Variants in PRDM16 observed in about 807,000 individuals in gnomAD.
The protein encoded by PRDM16 is histone-lysine N-methyltransferase PRDM16.
A neutral mutation model predicts 110.6 loss-of-function variants in PRDM16; 23 were observed. The ratio of observed to expected loss-of-function variants is 0.21; its 90% CI spans 0.15 to 0.29. The LOEUF (loss-of-function observed/expected upper bound fraction) is 0.29, where lower values mean the gene tolerates loss of function less well. Ranked by LOEUF, PRDM16 falls within the 10% of genes least tolerant of loss-of-function variation. PRDM16 has a pLI of 1.00. For synonymous variants in PRDM16, 799 were observed against 781.8 expected, an observed-to-expected ratio of 1.02 and a Z score of -0.37; for missense variants, 1,615 against 1,794.3, an observed-to-expected ratio of 0.90 and a Z score of 1.81.
At chr1:3,268,586 C>T (rs1640353973) in intron 3 of PRDM16, among the ~76,000 whole-genome samples, 1 of 152,134 alleles carries the variant, frequency 6.6e-6, no homozygotes, top group African/African-American at 2.4e-5. Flanking sequence ...CACCCTCATT[C>T]CTATAGCTAG....
At chr1:3,360,615 G>A (rs1642694808) in intron 3 of PRDM16, among the ~76,000 whole-genome samples, 1 of 152,192 alleles carries the variant, frequency 6.6e-6, no homozygotes, top group Non-Finnish European at 1.5e-5. Flanking sequence ...CAGAGGAGGA[G>A]GGCCATCAGA....
intron 1 of PRDM16, among the ~76,000 whole-genome samples, chr1:3,136,626 C>A (rs1303867614): frequency 6.6e-6 from 1 of 152,152 alleles, no homozygotes; most frequent in South Asian, 2.1e-4. Context: ...CCACAAAGGT[C>A]GTTTCTCTTG....
chr1:3,083,253 G>C (rs145188442), intron 1 of PRDM16, among the ~76,000 whole-genome samples: 1 of 152,146 alleles, frequency 6.6e-6, no homozygotes, highest in East Asian at 1.9e-4. Flanking sequence ...TCCTGGCTGC[G>C]CCCCACCAAG....
intron 3 of PRDM16, among the ~76,000 whole-genome samples, chr1:3,295,471 A>G (rs1280619287): frequency 6.6e-6 from 1 of 152,136 alleles, no homozygotes; most frequent in Non-Finnish European, 1.5e-5. Context: ...CCAAACCTCC[A>G]GGAGCACCAG....
chr1:3,376,205 T>A (rs1642987873), intron 3 of PRDM16, among the ~76,000 whole-genome samples: 2 of 152,088 alleles, frequency 1.3e-5, no homozygotes, highest in African/African-American at 2.4e-5. Context: ...GCATTTGGGG[T>A]GTCTCCGTGA....
intron 2 of PRDM16, among the ~76,000 whole-genome samples, chr1:3,237,187 G>C (rs1410635401): frequency 6.6e-6 from 1 of 151,984 alleles, no homozygotes; most frequent in Non-Finnish European, 1.5e-5. Context: ...GCCTCCATCC[G>C]AGAGCCCCTG....
intron 1 of PRDM16, among the ~76,000 whole-genome samples, chr1:3,109,104 TAA>T (rs1353062615): frequency 6.6e-6 from 1 of 151,044 alleles, no homozygotes; most frequent in Non-Finnish European, 1.5e-5. Flanking sequence ...ATAATAATAA[TAA>T]TAATAATAAT....
In PRDM16 at chr1:3,426,054, G is replaced by T; in HGVS notation, c.3113G>T (p.Ser1038Ile). The T allele has an allele frequency of 6.2e-7, 1 of 1,612,486 alleles. No homozygotes were observed. The highest frequency in any genetic ancestry group is 8.5e-7 in the Non-Finnish European group (1 of 1,179,446). The change falls in exon 14 of 17, where the codon AGC becomes ATC. Residue 1038 changes from serine to isoleucine, a missense_variant. Physicochemically the swap from Ser to Ile is moderately radical, Grantham distance 142. This residue lies in a region of PRDM16 where 327 missense variants were observed against 359.3 expected (regional missense o/e 0.91). Transcript: ENST00000270722. ...KKHEHENAPV[S>I]QHPGVLTNHL... ...TGATGCTCCCGCCCCTCCGCAGTGA[G>T]CCAGCACCCCGGGGTCCTCACGAAC... is the stretch of plus-strand genomic sequence containing the variant.
rs983613977 is a variant in PRDM16, at chr1:3,081,795, C to T, written c.37+12499C>T. Among the ~76,000 whole-genome samples, 3 of 151,838 alleles carry T rather than the reference C, an allele frequency of 2.0e-5. No individual in the cohort carries two copies. The highest frequency in any genetic ancestry group is 4.4e-5 in the Non-Finnish European group (3 of 67,956). ...CCCGTGTTGGGGGACCTTCCATGGG[C>T]AGCAGGGCAGCAAGGGAGACCACCT... On this transcript the variant is annotated intron_variant, in intron 1 of 16. Coordinates refer to ENST00000270722, the MANE Select transcript of PRDM16 (RefSeq NM_022114.4). The surrounding 1 kb of genome is among the most constrained non-coding windows in gnomAD (Gnocchi z 4.6).
chr1:3,215,793 T>C (rs1185496398), intron 2 of PRDM16, among the ~76,000 whole-genome samples: 1 of 152,162 alleles, frequency 6.6e-6, no homozygotes, highest in Non-Finnish European at 1.5e-5. Flanking sequence ...ATTCTGCCCG[T>C]GTCCGCACCC....
chr1:3,299,849 G>C (rs549338804), intron 3 of PRDM16, among the ~76,000 whole-genome samples: 6 of 65,504 alleles, frequency 9.2e-5, no homozygotes, highest in African/African-American at 2.8e-4. Flanking sequence ...TGCTGTGGCC[G>C]TGATGTTTCC....
At chr1:3,194,957 A>C (rs1010969856) in intron 2 of PRDM16, among the ~76,000 whole-genome samples, 6 of 152,186 alleles carry the variant, frequency 3.9e-5, no homozygotes, top group African/African-American at 9.6e-5. Flanking sequence ...GCGTGAGGCC[A>C]GGAAGCTTTG....
At position 3,436,752 on chromosome 1, in the gene PRDM16, C is replaced by T. The variant is rs78409374; in HGVS notation, c.*2941C>T. 9.9e-3 allele frequency: 2,316 copies of T among 232,952 alleles called. 130 individuals are homozygous for T. In the East Asian group the frequency reaches 0.12, roughly 12 times the overall value. 14.4% of individuals were successfully genotyped at this position (232,952 alleles called of 1,614,324 possible). On this transcript the variant is annotated 3_prime_UTR_variant, in exon 17 of 17. Transcript: ENST00000270722. ...CAGCTGTCACCACACCGTAACGGGG[C>T]CATGTAACTGTGCAGCATGGACAGG... is the stretch of plus-strand genomic sequence containing the variant.
At chr1:3,385,535 A>C (rs1307089918) in intron 4 of PRDM16, among the ~76,000 whole-genome samples, 1 of 152,172 alleles carries the variant, frequency 6.6e-6, no homozygotes, top group Non-Finnish European at 1.5e-5. Flanking sequence ...CAGTTCCTGA[A>C]CCCCGAGATG....
chr1:3,253,339 T>C (rs1444343886), intron 3 of PRDM16, among the ~76,000 whole-genome samples: 4 of 137,798 alleles, frequency 2.9e-5, no homozygotes, highest in African/African-American at 1.1e-4. Flanking sequence ...GTATATCTCC[T>C]AATGCTATCC....
intron 3 of PRDM16, among the ~76,000 whole-genome samples, chr1:3,369,288 G>T (rs1437729653): frequency 2.6e-5 from 4 of 152,138 alleles, no homozygotes; most frequent in Admixed American, 6.5e-5. Flanking sequence ...CTGGCCCATC[G>T]TGCCCACGGT....
At chr1:3,129,719 AC>A (rs1044432999) in intron 1 of PRDM16, among the ~76,000 whole-genome samples, 1 of 152,150 alleles carries the variant, frequency 6.6e-6, no homozygotes, top group Non-Finnish European at 1.5e-5. Context: ...CACTGCCCAG[AC>A]CCTGTACGGA....
intron 1 of PRDM16, among the ~76,000 whole-genome samples, chr1:3,104,045 A>G (rs1456279201): frequency 6.6e-6 from 1 of 152,228 alleles, no homozygotes; most frequent in Non-Finnish European, 1.5e-5. Flanking sequence ...TCCTCCGCCG[A>G]AGTCACTGCT....
At position 3,069,799 on chromosome 1, in the gene PRDM16, G is replaced by A. The variant is rs1181575187; in HGVS notation, c.37+503G>A. Among the ~76,000 whole-genome samples, 3 of 152,034 alleles carry A rather than the reference G, an allele frequency of 2.0e-5. No homozygotes were observed. Among genetic ancestry groups the A allele is most frequent in the Non-Finnish European group, 1.5e-5 (1 of 67,978 alleles). Reference sequence around the variant, plus strand: ...TGGGCGCTAGAGCACCGCCTTTGGCGTCCGCCAGCCGGGCGCAGAGGAGGG... The same window carrying A: ...TGGGCGCTAGAGCACCGCCTTTGGCATCCGCCAGCCGGGCGCAGAGGAGGG... On this transcript the variant is annotated intron_variant, in intron 1 of 16. Transcript: ENST00000270722. This position sits in a 1 kb window ranked among gnomAD's most constrained non-coding sequence, Gnocchi z 6.1.
Sources: gnomAD v4.1 joint callset for allele counts (sites outside exome capture counted in the v4.1 genomes callset) on GRCh38, gnomAD v4.1.1 for gene constraint, gnomAD v4.1.1 regional missense constraint, Gnocchi (gnomAD v3.1) non-coding constraint, MANE v1.5 for transcripts, NCBI Gene and HGNC (gene_info 2026-07-23, HGNC 2026-07-21) for gene names.